The following STAU2 variants were observed in gnomAD, a reference collection of about 807,000 sequenced individuals.
The protein encoded by STAU2 is double-stranded RNA-binding protein Staufen homolog 2.
Under a neutral mutation model 65.9 loss-of-function variants are expected in STAU2, and 20 were observed. That is an observed-to-expected ratio of 0.30 (90% confidence interval 0.21 to 0.44). The LOEUF is 0.44. Among genes scored for constraint, STAU2 ranks in the 20% least tolerant of loss-of-function variants. The probability of loss-of-function intolerance (pLI) is 1.00; values close to 1 mark genes in which losing one functional copy is unlikely to be tolerated. For synonymous variants in STAU2, 232 were observed against 233.9 expected, an observed-to-expected ratio of 0.99 and a Z score of 0.07; for missense variants, 558 against 683.9, an observed-to-expected ratio of 0.82 and a Z score of 2.05.
intron 8 of STAU2, among the ~76,000 whole-genome samples, chr8:73,614,925 A>C (rs2129855944): frequency 6.6e-6 from 1 of 152,302 alleles, no homozygotes; most frequent in East Asian, 1.9e-4. Flanking sequence ...TGCAACTTGT[A>C]AGAATGTGTC....
chr8:73,450,197 G>C (rs962627205), intron 13 of STAU2, among the ~76,000 whole-genome samples: 1 of 152,186 alleles, frequency 6.6e-6, no homozygotes, highest in African/African-American at 2.4e-5. Flanking sequence ...AAGTATATTA[G>C]AAGTTATTAA....
intron 6 of STAU2, among the ~76,000 whole-genome samples, chr8:73,622,983 A>C (rs567373835): frequency 6.6e-6 from 1 of 152,348 alleles, no homozygotes; most frequent in South Asian, 2.1e-4. Flanking sequence ...AATAAAATAG[A>C]ATCTTCCTTT....
chr8:73,528,613 GAATA>G (rs1445072628), intron 13 of STAU2, among the ~76,000 whole-genome samples: 1 of 152,096 alleles, frequency 6.6e-6, no homozygotes, highest in African/African-American at 2.4e-5. Flanking sequence ...TATGCTTATA[GAATA>G]AATTAGGGAT....
intron 13 of STAU2, among the ~76,000 whole-genome samples, chr8:73,490,276 A>G (rs1032954947): frequency 6.6e-6 from 1 of 152,050 alleles, no homozygotes; most frequent in Non-Finnish European, 1.5e-5. Context: ...TGACAAATGG[A>G]CACCGCGCAA....
intron 13 of STAU2, among the ~76,000 whole-genome samples, chr8:73,538,898 A>G (rs958450806): frequency 2.0e-5 from 3 of 152,166 alleles, no homozygotes; most frequent in African/African-American, 7.2e-5. Context: ...AAGCATTTCT[A>G]CCACTACCTC....
intron 3 of STAU2, among the ~76,000 whole-genome samples, chr8:73,731,930 C>T (rs1342399004): frequency 6.6e-6 from 1 of 152,118 alleles, no homozygotes; most frequent in Admixed American, 6.6e-5. Context: ...CAGACCAAGA[C>T]TTCAACTCAA....
intron 12 of STAU2, among the ~76,000 whole-genome samples, chr8:73,573,586 A>C (rs1809279672): frequency 6.6e-6 from 1 of 152,226 alleles, no homozygotes; most frequent in Non-Finnish European, 1.5e-5. Context: ...CAGAGCCCTC[A>C]GAAATAATAC....
chr8:73,657,117 C>G (rs147508358), intron 6 of STAU2, among the ~76,000 whole-genome samples: 3 of 152,152 alleles, frequency 2.0e-5, no homozygotes, highest in African/African-American at 7.2e-5. Context: ...CAGAAGCACA[C>G]AAATACTAAG....
At chr8:73,448,313 T>C (rs1292166884) in intron 13 of STAU2, among the ~76,000 whole-genome samples, 2 of 150,792 alleles carry the variant, frequency 1.3e-5, no homozygotes, top group African/African-American at 4.9e-5. Flanking sequence ...TTTTTTGGAG[T>C]CTCGCTCTGT....
chr8:73,510,909 C>G (rs981924695), intron 13 of STAU2, among the ~76,000 whole-genome samples: 1 of 152,230 alleles, frequency 6.6e-6, no homozygotes, highest in Non-Finnish European at 1.5e-5. Context: ...TATTTAGAAG[C>G]TCTTCAAATC....
At chr8:73,741,453 T>A (rs375237348) in intron 1 of STAU2, among the ~76,000 whole-genome samples, 71 of 152,290 alleles carry the variant, frequency 4.7e-4, no homozygotes, top group African/African-American at 1.7e-3. Context: ...CACTGGTGGC[T>A]GATTCCAAGA....
chr8:73,732,789 T>C (rs1266197867), intron 3 of STAU2: 3 of 152,226 alleles, frequency 2.0e-5, no homozygotes, highest in Admixed American at 6.5e-5. Flanking sequence ...CTTCACTCAA[T>C]GATCTACCTA....
At position 73,629,980 on chromosome 8, in the gene STAU2, T is replaced by G. The variant is rs547801416; in HGVS notation, c.411-12529A>C. ...TTCAAAGAAATAGGAAAATGAACTT[T>G]GCTCAACTACCTGGATCCTTTCATA... On this transcript the variant is annotated intron_variant, in intron 6 of 14. Transcript: ENST00000524300. Among the ~76,000 whole-genome samples, 14 of 152,296 alleles carry G rather than the reference T, an allele frequency of 9.2e-5. No individual in the cohort carries two copies. The East Asian group carries it at 2.3e-3, about 25-fold the overall frequency.
intron 13 of STAU2, among the ~76,000 whole-genome samples, chr8:73,495,063 G>T (rs1240798532): frequency 6.6e-6 from 1 of 151,314 alleles, no homozygotes; most frequent in African/African-American, 2.4e-5. Context: ...ATAAATCAAT[G>T]GATTCTGCTG....
At chr8:73,686,215 C>A (rs1395290902) in intron 5 of STAU2, among the ~76,000 whole-genome samples, 4 of 152,130 alleles carry the variant, frequency 2.6e-5, no homozygotes, top group Non-Finnish European at 5.9e-5. Context: ...GAGATGGAGA[C>A]CATCCTGGCT....
At chr8:73,702,854 C>T (rs28888701) in intron 4 of STAU2, among the ~76,000 whole-genome samples, 10,980 of 152,122 alleles carry the variant, frequency 0.072, 433 homozygotes, top group Middle Eastern at 0.14. Flanking sequence ...CACCACATAC[C>T]TATTAGAATG....
At chr8:73,572,692 CA>C (rs1389452212) in intron 12 of STAU2, among the ~76,000 whole-genome samples, 3 of 152,204 alleles carry the variant, frequency 2.0e-5, no homozygotes, top group Non-Finnish European at 4.4e-5. Context: ...TGACAAAATT[CA>C]ACAGCCCTTC....
At chr8:73,726,598 G>A (rs1805651199) in intron 3 of STAU2, among the ~76,000 whole-genome samples, 1 of 151,740 alleles carries the variant, frequency 6.6e-6, no homozygotes, top group South Asian at 2.1e-4. Context: ...AGTCACTATT[G>A]TTATCTATTC....
chr8:73,717,697 G>C (rs1382460003), intron 3 of STAU2, among the ~76,000 whole-genome samples: 1 of 152,102 alleles, frequency 6.6e-6, no homozygotes, highest in African/African-American at 2.4e-5. Context: ...GCCCAGGCTG[G>C]AGTGCAGTGG....
Sources: gnomAD v4.1 joint callset for allele counts (sites outside exome capture counted in the v4.1 genomes callset) on GRCh38, gnomAD v4.1.1 for gene constraint, MANE v1.5 for transcripts, NCBI Gene and HGNC (gene_info 2026-07-23, HGNC 2026-07-21) for gene names.